SBF2: variants seen among roughly 807,000 people sequenced by gnomAD.
The protein encoded by SBF2 is SET binding factor 2.
SBF2 carries 112 observed loss-of-function variants against 225.2 expected under a neutral mutation model. That is an observed-to-expected ratio of 0.50 (90% CI 0.43 to 0.58). SBF2 has a LOEUF of 0.58. Ranked by LOEUF, SBF2 falls within the 20% of genes least tolerant of loss-of-function variation. The pLI is 0.00. For missense variants in SBF2, 1,996 were observed against 2,206.2 expected (o/e 0.90, Z 1.91); for synonymous variants, 763 against 773.3 (o/e 0.99, Z 0.22).
At chr11:10,011,066 A>T (rs1353657260) in intron 6 of SBF2, among the ~76,000 whole-genome samples, 2 of 152,134 alleles carry the variant, frequency 1.3e-5, no homozygotes, top group African/African-American at 4.8e-5. Flanking sequence ...AATGCTTGAG[A>T]TTCCTTTATG....
intron 2 of SBF2, among the ~76,000 whole-genome samples, chr11:10,146,654 T>C (rs1954901007): frequency 6.6e-6 from 1 of 152,104 alleles, no homozygotes; most frequent in Non-Finnish European, 1.5e-5. Context: ...ATTCTAAATA[T>C]AGGAACTGGC....
chr11:10,232,211 C>A (rs1020680859), intron 1 of SBF2, among the ~76,000 whole-genome samples: 4 of 152,238 alleles, frequency 2.6e-5, no homozygotes, highest in African/African-American at 4.8e-5. Context: ...TCTGTCACCC[C>A]TTTCTTTGAC....
At chr11:10,196,859 TA>T (rs1331509678) in intron 1 of SBF2, among the ~76,000 whole-genome samples, 1,648 of 54,768 alleles carry the variant, frequency 0.03, 124 homozygotes, top group Non-Finnish European at 0.039. Context: ...TATATATATA[TA>T]TATATATTTT....
rs140417662 is a variant in SBF2 at position 10,250,442 on chromosome 11, A to G, written c.55+43573T>C. 1.7e-4 allele frequency among the ~76,000 whole-genome samples: 26 copies of G among 152,312 alleles called. No homozygotes were observed. In the East Asian group the frequency reaches 5.0e-3, roughly 29 times the overall value. The stretch of plus-strand genomic sequence containing the variant: ...AAGGGTCTGCATTCCATGACTCATC[A>G]TGGGAAGGATAAAATGATCCAAATT... On this transcript the variant is annotated intron_variant, in intron 1 of 39. Coordinates refer to ENST00000256190, the MANE Select transcript of SBF2 (RefSeq NM_030962.4).
chr11:10,156,359 G>A (rs1048185456), intron 2 of SBF2, among the ~76,000 whole-genome samples: 7 of 152,196 alleles, frequency 4.6e-5, no homozygotes, highest in East Asian at 3.9e-4. Flanking sequence ...GCCCCTCGGC[G>A]CGAACAGCCT....
intron 13 of SBF2, among the ~76,000 whole-genome samples, chr11:9,978,569 C>T (rs1173105695): frequency 6.6e-6 from 1 of 152,136 alleles, no homozygotes; most frequent in African/African-American, 2.4e-5. Flanking sequence ...TAATACTTCA[C>T]GATGATCACT....
chr11:10,089,945 T>C (rs774930352), intron 2 of SBF2, among the ~76,000 whole-genome samples: 5 of 152,172 alleles, frequency 3.3e-5, no homozygotes, highest in Non-Finnish European at 7.4e-5. Flanking sequence ...TGTCCATCAA[T>C]AGATGAATGG....
intron 30 of SBF2, chr11:9,811,416 C>T (rs1165366018): frequency 6.6e-6 from 1 of 152,230 alleles, no homozygotes; most frequent in Non-Finnish European, 1.5e-5. Context: ...TTATTTTCCA[C>T]TGTCTTTAGT....
intron 8 of SBF2, among the ~76,000 whole-genome samples, chr11:9,998,834 C>G (rs932414620): frequency 6.6e-6 from 1 of 152,210 alleles, no homozygotes; most frequent in Non-Finnish European, 1.5e-5. Flanking sequence ...TGGAACATCT[C>G]TATGGACTGC....
rs1033704362 is a variant in SBF2, at chr11:10,132,842, G to A, written c.141+61060C>T. Among the ~76,000 whole-genome samples the A allele has an allele frequency of 2.0e-5, 3 of 148,694 alleles. 1 individual carries two copies. The highest frequency in any genetic ancestry group is 7.5e-5 in the African/African-American group (3 of 40,262). ...GTTTTGTCAGGGCGCTGATTGGTGC[G>A]TTTACAATCCCTGAGCTAGATACAA... On this transcript the variant is annotated intron_variant, in intron 2 of 39. Coordinates refer to ENST00000256190, the MANE Select transcript of SBF2 (RefSeq NM_030962.4).
intron 13 of SBF2, among the ~76,000 whole-genome samples, chr11:9,979,193 A>G (rs1223562302): frequency 5.9e-5 from 9 of 152,226 alleles, no homozygotes; most frequent in Admixed American, 2.0e-4. Flanking sequence ...AAATGGGGAT[A>G]ATGACACCTG....
In SBF2 at chr11:9,921,194, C is replaced by T. The variant is rs148112927; in HGVS notation, c.1861-25183G>A. Among the ~76,000 whole-genome samples, 130 of 151,776 alleles carry T rather than the reference C, an allele frequency of 8.6e-4. 2 individuals carry two copies. In the East Asian group the frequency reaches 0.025, roughly 29 times the overall value. On this transcript the variant is annotated intron_variant, in intron 16 of 39. Coordinates refer to ENST00000256190, the MANE Select transcript of SBF2 (RefSeq NM_030962.4). ...CAAGCGATTCTCCTGCCTCAGCCTC[C>T]CAAGTAGATGGGATTACAGGCATAC... is the stretch of plus-strand genomic sequence containing the variant.
chr11:9,946,912 G>A (rs1194134633), intron 16 of SBF2, among the ~76,000 whole-genome samples: 2 of 152,040 alleles, frequency 1.3e-5, no homozygotes, highest in Non-Finnish European at 1.5e-5. Context: ...GATATAACTG[G>A]GATAAGTATA....
At chr11:10,113,801 A>C (rs1379827725) in intron 2 of SBF2, among the ~76,000 whole-genome samples, 1 of 102,410 alleles carries the variant, frequency 9.8e-6, no homozygotes, top group Admixed American at 1.0e-4. Flanking sequence ...TGCAGTTTAA[A>C]AAAAAAAAAA....
At chr11:10,125,574 G>A (rs1340417574) in intron 2 of SBF2, among the ~76,000 whole-genome samples, 2 of 152,130 alleles carry the variant, frequency 1.3e-5, no homozygotes, top group East Asian at 3.9e-4. Flanking sequence ...AAAGAAAATT[G>A]TAAATATAGA....
chr11:10,020,492 C>T (rs1948809574), intron 6 of SBF2, among the ~76,000 whole-genome samples: 1 of 152,030 alleles, frequency 6.6e-6, no homozygotes, highest in African/African-American at 2.4e-5. Flanking sequence ...TGTGCACTTG[C>T]TCTCTCAAGT....
chr11:9,966,356 C>A (rs1019920971), intron 14 of SBF2, among the ~76,000 whole-genome samples: 19 of 152,288 alleles, frequency 1.2e-4, no homozygotes, highest in Non-Finnish European at 1.8e-4. Context: ...TCCCAAAGTG[C>A]TGGGATTATG....
intron 32 of SBF2, among the ~76,000 whole-genome samples, chr11:9,797,260 A>G (rs1023791138): frequency 3.3e-5 from 5 of 152,218 alleles, no homozygotes; most frequent in Non-Finnish European, 7.3e-5. Flanking sequence ...CGTGATCTGG[A>G]TATCATTGAT....
At chr11:10,280,164 G>C (rs1963305519) in intron 1 of SBF2, among the ~76,000 whole-genome samples, 1 of 152,138 alleles carries the variant, frequency 6.6e-6, no homozygotes, top group Non-Finnish European at 1.5e-5. Context: ...AAAAGTTTCA[G>C]ATTTCAGAGT....
Sources: allele counts gnomAD v4.1 joint callset (sites outside exome capture counted in the v4.1 genomes callset), GRCh38; gene constraint gnomAD v4.1.1; transcripts MANE v1.5; gene names NCBI Gene and HGNC (gene_info 2026-07-23, HGNC 2026-07-21).